The following FHIP2B variants were observed in gnomAD, a reference collection of about 807,000 sequenced individuals.
FHIP2B encodes FHF complex subunit HOOK interacting protein 2B.
In FHIP2B, 72 loss-of-function variants were observed where a neutral mutation model predicts 84.0. That is an observed-to-expected ratio of 0.86 (90% CI 0.71 to 1.04). The LOEUF (loss-of-function observed/expected upper bound fraction) is 1.04, where lower values mean the gene tolerates loss of function less well. FHIP2B is among the 50% of genes least tolerant of loss of function. The probability of loss-of-function intolerance (pLI) is 0.00; values close to 1 mark genes in which losing one functional copy is unlikely to be tolerated. For missense variants in FHIP2B, 972 were observed against 968.9 expected (o/e 1.00, Z -0.04); for synonymous variants, 497 against 418.7 (o/e 1.19, Z -2.28).
At chr8:22,090,471 A>AT (rs1825431420) in intron 1 of FHIP2B, among the ~76,000 whole-genome samples, 1 of 152,088 alleles carries the variant, frequency 6.6e-6, no homozygotes, top group Non-Finnish European at 1.5e-5. Flanking sequence ...GGGTTCCAAA[A>AT]TGATTTTTCT....
intron 15 of FHIP2B, 66 bp from the exon 16 acceptor site, chr8:22,102,461 GT>G: frequency 6.5e-7 from 1 of 1,531,578 alleles, no homozygotes; most frequent in Non-Finnish European, 8.8e-7. Flanking sequence ...TCTGCATGGT[GT>G]GGCAGGGCCA....
intron 2 of FHIP2B, chr8:22,094,835 C>G: frequency 8.4e-7 from 1 of 1,196,372 alleles, no homozygotes; most frequent in Non-Finnish European, 1.0e-6. Context: ...GCTTCCAGCT[C>G]CAGACCTTCA....
At chr8:22,092,653 G>T (rs1265419122) in intron 1 of FHIP2B, among the ~76,000 whole-genome samples, 1 of 149,858 alleles carries the variant, frequency 6.7e-6, no homozygotes, top group East Asian at 2.0e-4. Flanking sequence ...AAATGACTGA[G>T]ACTTCTTGGC....
At chr8:22,090,606 T>G (rs1454447811) in intron 1 of FHIP2B, among the ~76,000 whole-genome samples, 1 of 152,180 alleles carries the variant, frequency 6.6e-6, no homozygotes, top group Non-Finnish European at 1.5e-5. Flanking sequence ...TCCTCAGTCC[T>G]GAGGAGTGAA....
At chr8:22,089,895 A>G (rs1489355576) in intron 1 of FHIP2B, 1 of 1,228,338 alleles carries the variant, frequency 8.1e-7, no homozygotes, top group African/African-American at 1.5e-5. Flanking sequence ...CAGCCGGGGA[A>G]ATCGCCTTCT....
At chr8:22,102,105 C>A in intron 14 of FHIP2B, 70 bp from the exon 15 acceptor site, 2 of 1,610,650 alleles carry the variant, frequency 1.2e-6, no homozygotes, top group Middle Eastern at 3.3e-4. Context: ...GGCCAGGCAC[C>A]TTGCTGGGGG....
At position 22,098,178 on chromosome 8, in the gene FHIP2B, G is replaced by A. The variant is rs891272019; in HGVS notation, c.636G>A (p.Arg212=). The A allele has an allele frequency of 3.0e-5, 47 of 1,575,532 alleles. No homozygotes were observed. The highest frequency in any genetic ancestry group is 4.0e-5 in the Non-Finnish European group (46 of 1,161,204). Residue 212 remains arginine, a synonymous_variant, in exon 6 of 17, where the codon AGG becomes AGA. Coordinates refer to ENST00000289921, the MANE Select transcript of FHIP2B (RefSeq NM_022749.7). ...KDCSHDGAPA[R]PQLDGESCGA... ...GCTCCCACGATGGTGCTCCTGCCAG[G>A]CCCCAGCTGGACGGGGAGTCCTGTG...
At chr8:22,096,732 A>C in intron 3 of FHIP2B, 1 of 561,278 alleles carries the variant, frequency 1.8e-6, no homozygotes, top group Admixed American at 3.9e-5. Context: ...TGAAAGTGGC[A>C]GTTCGGGCGA....
At chr8:22,089,890 G>T (rs956393819) in intron 1 of FHIP2B, 4 of 1,230,388 alleles carry the variant, frequency 3.3e-6, no homozygotes, top group South Asian at 1.3e-5. Context: ...GCCCCCAGCC[G>T]GGGAAATCGC....
chr8:22,095,617 G>A (rs1354768840), intron 2 of FHIP2B: 4 of 152,274 alleles, frequency 2.6e-5, no homozygotes, highest in Non-Finnish European at 4.4e-5. Context: ...TTCATTTCCA[G>A]AATGGTCCCT....
chr8:22,097,470 C>G (rs1825835176), intron 3 of FHIP2B, 46 bp from the exon 4 acceptor site: 3 of 1,516,804 alleles, frequency 2.0e-6, no homozygotes, highest in African/African-American at 1.4e-5. Flanking sequence ...AGGCATGCGG[C>G]AGGCAGGGGA....
Position 22,102,958 on chromosome 8 carries a change from C to G in FHIP2B, c.*27C>G, listed in dbSNP as rs1297639564. 6 of 1,605,892 alleles carry G rather than the reference C, an allele frequency of 3.7e-6. 1 individual carries two copies. Among genetic ancestry groups the G allele is most frequent in the Non-Finnish European group, 5.1e-6 (6 of 1,176,054 alleles). ...CCAGCACCAGGGCGGTGGGAGACTC[C>G]TGTCCACACCTCTGCCCCAGAGCTG... On this transcript the variant is annotated 3_prime_UTR_variant, in exon 17 of 17. Coordinates refer to ENST00000289921, the MANE Select transcript of FHIP2B (RefSeq NM_022749.7).
In FHIP2B at chr8:22,096,517, G is replaced by C. The variant is rs555293127; in HGVS notation, c.297+8G>C. On this transcript the variant is annotated splice_region_variant and intron_variant, in intron 3 of 16. Coordinates refer to ENST00000289921, the MANE Select transcript of FHIP2B (RefSeq NM_022749.7). ...ACGCTGGGCAAGGCCGAGGTGGGAGGCCCTCTGCGCGCTGGGCCAGGCCGA... is the reference window on the plus strand; with the variant it reads ...ACGCTGGGCAAGGCCGAGGTGGGAGCCCCTCTGCGCGCTGGGCCAGGCCGA... The C allele has an allele frequency of 1.9e-4, 290 of 1,516,496 alleles. 5 individuals carry two copies. In the South Asian group the frequency reaches 3.4e-3, roughly 18 times the overall value. 93.9% of individuals were successfully genotyped at this position (1,516,496 alleles called of 1,614,324 possible). A position where few individuals can be genotyped will look rare whatever the true frequency, so the allele number is the denominator to read the frequency against.
rs200904684 is a variant in FHIP2B at position 22,100,890 on chromosome 8, G to A, written c.1534G>A (p.Gly512Ser). 477 of 1,613,866 alleles carry A rather than the reference G, an allele frequency of 3.0e-4. No individual in the cohort carries two copies. In the Middle Eastern group the frequency reaches 3.3e-3, roughly 11 times the overall value. Residue 512 changes from glycine (G) to serine (S), a missense_variant, in exon 12 of 17, where the codon GGC becomes AGC. Physicochemically the swap from Gly to Ser is moderately conservative, Grantham distance 56. Transcript: ENST00000289921. ...PYFTDSFLDS[G>S]FQTPAKPRLA... Reference sequence around the variant, plus strand: ...CTTCACCGACAGCTTCCTGGATTCCGGCTTTCAAACTCCCGCAAAGCCTCG... The same window carrying A: ...CTTCACCGACAGCTTCCTGGATTCCAGCTTTCAAACTCCCGCAAAGCCTCG...
intron 3 of FHIP2B, chr8:22,096,733 G>C (rs541513971): frequency 3.7e-4 from 207 of 561,176 alleles, no homozygotes; most frequent in Non-Finnish European, 5.4e-4. Flanking sequence ...GAAAGTGGCA[G>C]TTCGGGCGAG....
chr8:22,090,074 C>T (rs1247511689), intron 1 of FHIP2B, among the ~76,000 whole-genome samples: 3 of 141,234 alleles, frequency 2.1e-5, no homozygotes, highest in Non-Finnish European at 4.5e-5. Flanking sequence ...GGGCTGCAGG[C>T]TGGCAGGCAG....
At chr8:22,096,827 A>G (rs1294148674) in intron 3 of FHIP2B, 2 of 234,932 alleles carry the variant, frequency 8.5e-6, no homozygotes, top group Non-Finnish European at 1.6e-5. Context: ...TCACTCCACA[A>G]AGATGGGCCT....
chr8:22,104,722 T>G lies in FHIP2B; in HGVS notation c.*1791T>G, dbSNP rs1826300713. On this transcript the variant is annotated 3_prime_UTR_variant, in exon 17 of 17. Coordinates refer to ENST00000289921, the MANE Select transcript of FHIP2B (RefSeq NM_022749.7). ...TTATGCTGCGTGTTGTATGCCTGTT[T>G]TAGTCATAAAGTAGGCCTGATATTT... 6.6e-6 allele frequency: 1 copy of G among 152,076 alleles called. No individual in the cohort carries two copies. Among genetic ancestry groups the G allele is most frequent in the Non-Finnish European group, 1.5e-5 (1 of 68,036 alleles). The allele number at this position is 152,076 out of a possible 1,614,324, so 9.4% of individuals were successfully genotyped here.
At chr8:22,094,683 G>T in intron 2 of FHIP2B, 165 bp downstream of exon 2, 2 of 1,457,336 alleles carry the variant, frequency 1.4e-6, no homozygotes, top group Non-Finnish European at 1.8e-6. Context: ...AAGACCCAGA[G>T]CCCTGGGCCA....
Sources: gnomAD v4.1 joint callset for allele counts (sites outside exome capture counted in the v4.1 genomes callset) on GRCh38, gnomAD v4.1.1 for gene constraint, MANE v1.5 for transcripts, NCBI Gene and HGNC (gene_info 2026-07-23, HGNC 2026-07-21) for gene names.